GPHN: variants seen among roughly 807,000 people sequenced by gnomAD.
GPHN encodes the protein gephyrin.
A neutral mutation model predicts 95.5 loss-of-function variants in GPHN; 17 were observed. The ratio of observed to expected loss-of-function variants is 0.18; its 90% CI spans 0.12 to 0.27. The LOEUF is 0.27. Among genes scored for constraint, GPHN ranks in the 10% least tolerant of loss-of-function variants. The pLI is 1.00. For synonymous variants in GPHN, 320 were observed against 322.5 expected, an observed-to-expected ratio of 0.99 and a Z score of 0.08; for missense variants, 660 against 978.1, an observed-to-expected ratio of 0.67 and a Z score of 4.34.
At chr14:67,214,008 G>A in the GPHN span, among the ~76,000 whole-genome samples, 3 of 152,032 alleles carry the variant, frequency 2.0e-5, no homozygotes, top group African/African-American at 7.2e-5. Flanking sequence ...TTTTTGATGG[G>A]GTTGTTTGTT....
In GPHN at chr14:66,984,752, T is replaced by G. The variant is rs112575845; in HGVS notation, c.963+19427T>G. Among the ~76,000 whole-genome samples the G allele has an allele frequency of 7.6e-3, 1,153 of 152,238 alleles. 6 individuals are homozygous for G. The highest frequency in any genetic ancestry group is 0.026 in the African/African-American group (1,093 of 41,566). The stretch of plus-strand genomic sequence containing the variant: ...ATAAGCAGGAACATCACAGCTAACT[T>G]GACCTATGCTGGTCTGAATTGAGAC... On this transcript the variant is annotated intron_variant, in intron 9 of 22. Coordinates refer to ENST00000478722, the MANE Select transcript of GPHN (RefSeq NM_020806.5).
At chr14:66,899,007 T>A (rs1251927433) in intron 5 of GPHN, among the ~76,000 whole-genome samples, 1 of 151,914 alleles carries the variant, frequency 6.6e-6, no homozygotes, top group Non-Finnish European at 1.5e-5. Context: ...AATTTAGGTG[T>A]CCACCTCATG....
intron 2 of GPHN, chr14:66,709,540 G>T (rs1595640769): frequency 2.7e-6 from 1 of 377,320 alleles, no homozygotes; most frequent in Non-Finnish European, 5.4e-6. Flanking sequence ...GGGATGGAGT[G>T]GGAAGGTGTA....
At chr14:66,701,573 G>T (rs2153415177) in intron 2 of GPHN, among the ~76,000 whole-genome samples, 1 of 152,314 alleles carries the variant, frequency 6.6e-6, no homozygotes, top group South Asian at 2.1e-4. Context: ...GGGCAGGGTA[G>T]CCCCTACCCC....
intron 2 of GPHN, among the ~76,000 whole-genome samples, chr14:66,699,901 G>A (rs753682023): frequency 4.4e-4 from 67 of 152,130 alleles, no homozygotes; most frequent in Admixed American, 3.3e-4. Context: ...AAGCTATGCC[G>A]AAGGATGTTT....
the GPHN span, among the ~76,000 whole-genome samples, chr14:67,324,786 A>G: frequency 6.7e-6 from 1 of 148,998 alleles, no homozygotes; most frequent in African/African-American, 2.5e-5. Context: ...GGGTCTCGCT[A>G]TGTTGCCAGG....
chr14:67,573,798 C>T, the GPHN span: 1 of 1,603,642 alleles, frequency 6.2e-7, no homozygotes, highest in South Asian at 1.1e-5. This position sits in a 1 kb window ranked among gnomAD's most constrained non-coding sequence, Gnocchi z 4.8. Context: ...ACTTTCTTTA[C>T]AGAGTGATGT....
At chr14:67,444,916 C>A in the GPHN span, among the ~76,000 whole-genome samples, 1 of 152,156 alleles carries the variant, frequency 6.6e-6, no homozygotes, top group Non-Finnish European at 1.5e-5. Context: ...GGTGCCACCA[C>A]GCCTGGCTAA....
the GPHN span, chr14:67,224,769 C>T: frequency 2.1e-4 from 53 of 250,484 alleles, no homozygotes; most frequent in South Asian, 4.7e-4. Flanking sequence ...TTCCTTCCTA[C>T]CCTTACCCAT....
intron 2 of GPHN, among the ~76,000 whole-genome samples, chr14:66,735,366 A>G (rs1396351831): frequency 6.6e-6 from 1 of 152,188 alleles, no homozygotes; most frequent in Admixed American, 6.5e-5. Flanking sequence ...CTACAGGAAA[A>G]TTATTGTGGA....
At chr14:67,358,979 G>A in the GPHN span, among the ~76,000 whole-genome samples, 38 of 152,214 alleles carry the variant, frequency 2.5e-4, no homozygotes, top group Non-Finnish European at 5.6e-4. Context: ...TCTAGTGGGA[G>A]AGAAAGACAC....
the GPHN span, among the ~76,000 whole-genome samples, chr14:67,688,053 G>A: frequency 6.6e-6 from 1 of 152,018 alleles, no homozygotes; most frequent in Non-Finnish European, 1.5e-5. Context: ...GATTACAGGT[G>A]TGAGCCACCG....
intron 8 of GPHN, among the ~76,000 whole-genome samples, chr14:66,935,479 GTA>G (rs1336473458): frequency 7.5e-6 from 1 of 132,626 alleles, no homozygotes; most frequent in African/African-American, 3.2e-5. Flanking sequence ...ATGTGTATAT[GTA>G]TATATATGTA....
At chr14:66,841,101 A>C (rs1332861795) in intron 4 of GPHN, among the ~76,000 whole-genome samples, 1 of 151,816 alleles carries the variant, frequency 6.6e-6, no homozygotes, top group Non-Finnish European at 1.5e-5. Flanking sequence ...TGAGTTAAGA[A>C]GTCACAAGTC....
At chr14:67,647,494 C>T in the GPHN span, 1 of 157,138 alleles carries the variant, frequency 6.4e-6, no homozygotes, top group Non-Finnish European at 1.4e-5. Flanking sequence ...TATGTCATTT[C>T]ATAAGCTGTT....
At chr14:66,762,558 TAA>T (rs11323905) in intron 2 of GPHN, among the ~76,000 whole-genome samples, 35,558 of 143,394 alleles carry the variant, frequency 0.25, 6,556 homozygotes, top group African/African-American at 0.52. Context: ...TGTCACATAG[TAA>T]AAAAAAAAAA....
At chr14:67,038,140 C>G (rs114855376) in intron 10 of GPHN, among the ~76,000 whole-genome samples, 1 of 152,036 alleles carries the variant, frequency 6.6e-6, no homozygotes, top group African/African-American at 2.4e-5. Flanking sequence ...ATAAGGAAAT[C>G]CTGTCATATG....
chr14:66,862,585 A>C (rs1339366371), intron 4 of GPHN, among the ~76,000 whole-genome samples: 1 of 152,114 alleles, frequency 6.6e-6, no homozygotes, highest in East Asian at 1.9e-4. Flanking sequence ...TTGATACAAA[A>C]ATCCTCAACA....
At chr14:66,868,943 A>G (rs1321548186) in intron 4 of GPHN, among the ~76,000 whole-genome samples, 2 of 152,192 alleles carry the variant, frequency 1.3e-5, no homozygotes, top group Non-Finnish European at 2.9e-5. Flanking sequence ...GAAGTTTGCA[A>G]CTTTCATATT....
Sources: allele counts gnomAD v4.1 joint callset (sites outside exome capture counted in the v4.1 genomes callset), GRCh38; gene constraint gnomAD v4.1.1; non-coding constraint Gnocchi (gnomAD v3.1); transcripts MANE v1.5; gene names NCBI Gene and HGNC (gene_info 2026-07-23, HGNC 2026-07-21).